NTRK3: variants seen among roughly 807,000 people sequenced by gnomAD.
The protein encoded by NTRK3 is NT-3 growth factor receptor.
In NTRK3, 24 loss-of-function variants were observed where a neutral mutation model predicts 91.7. The observed-to-expected ratio is 0.26, with a 90% CI of 0.19 to 0.37. The LOEUF (loss-of-function observed/expected upper bound fraction) is 0.37, where lower values mean the gene tolerates loss of function less well. Ranked by LOEUF, NTRK3 falls within the 10% of genes least tolerant of loss-of-function variation. NTRK3 has a pLI of 1.00. For missense variants in NTRK3, 880 were observed against 1,068.9 expected, an observed-to-expected ratio of 0.82 and a Z score of 2.46; for synonymous variants, 483 against 404.0, an observed-to-expected ratio of 1.20 and a Z score of -2.34.
chr15:88,216,317 G>C (rs1292842929), intron 3 of NTRK3, among the ~76,000 whole-genome samples: 2 of 152,202 alleles, frequency 1.3e-5, no homozygotes, highest in Non-Finnish European at 2.9e-5. Flanking sequence ...TGCCCCGGAG[G>C]CTCAGCATCC....
intron 3 of NTRK3, among the ~76,000 whole-genome samples, chr15:88,248,266 G>A (rs1474771720): frequency 6.6e-6 from 1 of 152,154 alleles, no homozygotes; most frequent in Non-Finnish European, 1.5e-5. Context: ...ACAACTTCAG[G>A]AGAAACTCCC....
intron 5 of NTRK3, among the ~76,000 whole-genome samples, chr15:88,162,894 T>C (rs1340991091): frequency 6.6e-6 from 1 of 152,128 alleles, no homozygotes; most frequent in East Asian, 1.9e-4. Flanking sequence ...ACCTTCTAGG[T>C]CTGTACATGA....
intron 17 of NTRK3, among the ~76,000 whole-genome samples, chr15:87,884,238 C>A (rs538323664): frequency 2.4e-4 from 37 of 151,192 alleles, no homozygotes; most frequent in Admixed American, 5.9e-4. Context: ...ACTATTACAT[C>A]CATAAATTTG....
chr15:87,883,964 T>C (rs974832923), intron 17 of NTRK3, among the ~76,000 whole-genome samples: 1 of 138,016 alleles, frequency 7.2e-6, no homozygotes, highest in Non-Finnish European at 1.6e-5. Flanking sequence ...GAAAATATAA[T>C]TAAATTAATA....
chr15:88,096,650 G>T (rs566220624), intron 13 of NTRK3, among the ~76,000 whole-genome samples: 1 of 152,262 alleles, frequency 6.6e-6, no homozygotes, highest in East Asian at 1.9e-4. Context: ...TAATACCACT[G>T]GAACAACCCA....
At chr15:87,920,154 T>C (rs903884905) in intron 17 of NTRK3, among the ~76,000 whole-genome samples, 1 of 152,160 alleles carries the variant, frequency 6.6e-6, no homozygotes, top group African/African-American at 2.4e-5. Context: ...CAACAGACTT[T>C]TGTATTCCAA....
Position 88,113,633 on chromosome 15 carries a change from G to A in NTRK3, c.1396+12638C>T, listed in dbSNP as rs536755928. Among the ~76,000 whole-genome samples the A allele has an allele frequency of 3.3e-5, 5 of 151,986 alleles. No individual in the cohort carries two copies. In the South Asian group the frequency reaches 1.0e-3, roughly 32 times the overall value. On this transcript the variant is annotated intron_variant, in intron 13 of 18. Coordinates refer to ENST00000394480, the Ensembl canonical transcript of NTRK3. ...AGCTGGTCTAACTTTTTTTTTAAGG[G>A]TAACATGAAACTATGGGGTCTGAAA...
At chr15:88,041,656 C>T (rs1025254183) in intron 13 of NTRK3, among the ~76,000 whole-genome samples, 2 of 152,156 alleles carry the variant, frequency 1.3e-5, no homozygotes, top group Non-Finnish European at 2.9e-5. Flanking sequence ...CAACACCTGG[C>T]GCAGCCATGG....
intron 17 of NTRK3, among the ~76,000 whole-genome samples, chr15:87,914,984 G>A (rs2067344322): frequency 6.6e-6 from 1 of 152,158 alleles, no homozygotes; most frequent in South Asian, 2.1e-4. Context: ...CGGTGGCTAT[G>A]GTGTTGGTGA....
intron 13 of NTRK3, among the ~76,000 whole-genome samples, chr15:88,034,464 A>G (rs2078891882): frequency 6.6e-6 from 1 of 152,228 alleles, no homozygotes; most frequent in Non-Finnish European, 1.5e-5. Flanking sequence ...TCTCCCATAC[A>G]TACAAATAAA....
At chr15:87,931,385 G>T (rs1320365894) in intron 16 of NTRK3, 2 of 348,898 alleles carry the variant, frequency 5.7e-6, no homozygotes, top group Non-Finnish European at 1.1e-5. Context: ...TCACAAAATA[G>T]TAATAGTAAT....
intron 17 of NTRK3, among the ~76,000 whole-genome samples, chr15:87,910,400 T>C (rs2067017454): frequency 6.6e-6 from 1 of 152,174 alleles, no homozygotes. Context: ...GGCTCCCCTT[T>C]GGGAAGCTCC....
At chr15:88,108,481 T>A (rs938985349) in intron 13 of NTRK3, among the ~76,000 whole-genome samples, 1 of 152,178 alleles carries the variant, frequency 6.6e-6, no homozygotes, top group Non-Finnish European at 1.5e-5. Flanking sequence ...CTCCCACTAG[T>A]TCCCATCCTC....
At chr15:88,251,944 C>A (rs1363677254) in intron 3 of NTRK3, among the ~76,000 whole-genome samples, 1 of 152,152 alleles carries the variant, frequency 6.6e-6, no homozygotes, top group Admixed American at 6.5e-5. Context: ...AGAGCAGATG[C>A]CCTTGGCCCC....
chr15:87,931,492 C>A (rs758384701), intron 16 of NTRK3, among the ~76,000 whole-genome samples: 6 of 152,158 alleles, frequency 3.9e-5, no homozygotes, highest in Non-Finnish European at 8.8e-5. Flanking sequence ...TAGCAACAAC[C>A]CCGTGAAGCA....
intron 17 of NTRK3, among the ~76,000 whole-genome samples, chr15:87,902,501 G>T (rs577303911): frequency 1.3e-5 from 2 of 152,324 alleles, no homozygotes; most frequent in South Asian, 4.1e-4. Context: ...GGCAGACAAA[G>T]AGAGAGGCAG....
intron 14 of NTRK3, among the ~76,000 whole-genome samples, chr15:87,947,710 C>T (rs1439978659): frequency 6.6e-6 from 1 of 151,910 alleles, no homozygotes; most frequent in Non-Finnish European, 1.5e-5. Flanking sequence ...GAAGAGAAAA[C>T]AGGGAGAGGA....
chr15:88,030,433 G>C (rs920973918), intron 14 of NTRK3, among the ~76,000 whole-genome samples: 1 of 152,122 alleles, frequency 6.6e-6, no homozygotes, highest in Admixed American at 6.5e-5. Context: ...TGAAGGCCCA[G>C]AGGAAACTTG....
At chr15:88,091,668 A>C (rs997595627) in intron 13 of NTRK3, among the ~76,000 whole-genome samples, 3 of 152,144 alleles carry the variant, frequency 2.0e-5, no homozygotes, top group African/African-American at 7.2e-5. Flanking sequence ...GCACAAGAGT[A>C]GGGAGATCAC....
Sources: allele counts gnomAD v4.1 joint callset (sites outside exome capture counted in the v4.1 genomes callset), GRCh38; gene constraint gnomAD v4.1.1; transcripts MANE v1.5; gene names NCBI Gene and HGNC (gene_info 2026-07-23, HGNC 2026-07-21).